Variants in CYP2C19 observed in about 807,000 individuals in gnomAD.
The protein encoded by CYP2C19 is cytochrome P450 family 2 subfamily C member 19.
CYP2C19 carries 59 observed loss-of-function variants against 40.9 expected under a neutral mutation model. The ratio of observed to expected loss-of-function variants is 1.44; its 90% CI spans 1.17 to 1.79. CYP2C19 has a LOEUF of 1.79. Ranked by LOEUF, CYP2C19 falls within the 40% of genes most tolerant of loss-of-function variation. The pLI, the probability that CYP2C19 is intolerant of heterozygous loss-of-function variation, is 0.00. For synonymous variants in CYP2C19, 253 were observed against 208.7 expected (o/e 1.21, Z -1.83); for missense variants, 754 against 596.9 (o/e 1.26, Z -2.74).
intron 5 of CYP2C19, among the ~76,000 whole-genome samples, chr10:94,793,820 A>G (rs113641915): frequency 0.048 from 7,266 of 152,218 alleles, 248 homozygotes; most frequent in South Asian, 0.11. Flanking sequence ...TACCCACTTG[A>G]GGAGGCAGTC....
chr10:94,812,839 C>T (rs952627695), intron 5 of CYP2C19, among the ~76,000 whole-genome samples: 6 of 152,042 alleles, frequency 3.9e-5, no homozygotes, highest in Admixed American at 3.3e-4. Context: ...TTTGTTATTA[C>T]ACACCTTCTG....
At chr10:94,809,877 T>G (rs1412299540) in intron 5 of CYP2C19, among the ~76,000 whole-genome samples, 1 of 151,948 alleles carries the variant, frequency 6.6e-6, no homozygotes, top group Admixed American at 6.6e-5. Flanking sequence ...TTGTGTGTGT[T>G]TGTTTATTTA....
At chr10:94,819,484 G>T (rs1353452347) in intron 5 of CYP2C19, among the ~76,000 whole-genome samples, 3 of 85,468 alleles carry the variant, frequency 3.5e-5, no homozygotes, top group South Asian at 1.2e-3. Flanking sequence ...AAAATTGATA[G>T]ACCACTAGCA....
rs71031598 is a variant in CYP2C19, at chr10:94,851,443, C to CAAAT, written c.1292-1243_1292-1240dup. Among the ~76,000 whole-genome samples the CAAAT allele has an allele frequency of 9.2e-3, 1,315 of 143,056 alleles. 9 individuals carry two copies. Among genetic ancestry groups the CAAAT allele is most frequent in the Middle Eastern group, 0.046 (13 of 282 alleles). The allele number at this position is 143,056 out of a possible 152,430, so 93.9% of individuals were successfully genotyped here. ...CACAGAGACAAAGCATACCAGCACA[C>CAAAT]AAATAAATAAATAAATAAATAAATA... On this transcript the variant is annotated intron_variant, in intron 8 of 8. Transcript: ENST00000371321.
chr10:94,781,979 C>T lies in CYP2C19; in HGVS notation c.801C>T (p.Phe267=), dbSNP rs377674118. 2 of 1,535,262 alleles carry T rather than the reference C, an allele frequency of 1.3e-6. No individual in the cohort carries two copies. The highest frequency in any genetic ancestry group is 1.3e-5 in the South Asian group (1 of 74,716). The change falls in exon 5 of 9, where the codon TTC becomes TTT. Residue 267 remains phenylalanine, a synonymous_variant. Coordinates refer to ENST00000371321, the MANE Select transcript of CYP2C19 (RefSeq NM_000769.4). ...INNPRDFIDC[F]LIKMEKEKQN... ...ACCCTCGGGACTTTATTGATTGCTT[C>T]CTGATCAAAATGGAGAAGGTAAAAT...
At chr10:94,779,529 T>C (rs1168790466) in intron 3 of CYP2C19, among the ~76,000 whole-genome samples, 1 of 149,928 alleles carries the variant, frequency 6.7e-6, no homozygotes, top group Non-Finnish European at 1.5e-5. Context: ...AAAAACTCCA[T>C]TTATTAATTT....
chr10:94,792,423 T>C (rs1001061330), intron 5 of CYP2C19, among the ~76,000 whole-genome samples: 4 of 152,184 alleles, frequency 2.6e-5, no homozygotes, highest in Admixed American at 6.5e-5. Context: ...TTTTGCTTGT[T>C]AGTTGGCTCA....
At chr10:94,773,424 C>A (rs1386692134) in intron 1 of CYP2C19, among the ~76,000 whole-genome samples, 1 of 152,138 alleles carries the variant, frequency 6.6e-6, no homozygotes, top group Non-Finnish European at 1.5e-5. Flanking sequence ...AGCTGCAGAC[C>A]TTCACAGTGA....
chr10:94,778,875 A>G (rs1411600816), intron 3 of CYP2C19, among the ~76,000 whole-genome samples: 1 of 152,188 alleles, frequency 6.6e-6, no homozygotes, highest in East Asian at 1.9e-4. Flanking sequence ...AATGCCCATC[A>G]ATGACACACT....
At chr10:94,813,311 G>T (rs1272070078) in intron 5 of CYP2C19, among the ~76,000 whole-genome samples, 2 of 152,018 alleles carry the variant, frequency 1.3e-5, no homozygotes, top group African/African-American at 2.4e-5. Flanking sequence ...GTTGACCCCT[G>T]CTGGGAGGTC....
At chr10:94,848,521 A>T (rs1313980437) in intron 7 of CYP2C19, among the ~76,000 whole-genome samples, 1 of 152,144 alleles carries the variant, frequency 6.6e-6, no homozygotes, top group Non-Finnish European at 1.5e-5. Flanking sequence ...TGATGCCTCC[A>T]GCTTTGTTCT....
intron 5 of CYP2C19, among the ~76,000 whole-genome samples, chr10:94,808,776 A>T (rs1308707666): frequency 6.6e-6 from 1 of 152,118 alleles, no homozygotes; most frequent in East Asian, 1.9e-4. Context: ...TCATTTTTTT[A>T]AATGGCTGTA....
At chr10:94,831,550 C>G (rs571331824) in intron 6 of CYP2C19, among the ~76,000 whole-genome samples, 1 of 152,320 alleles carries the variant, frequency 6.6e-6, no homozygotes, top group East Asian at 1.9e-4. Flanking sequence ...ATCTCCACAT[C>G]CTCACTAGCA....
intron 5 of CYP2C19, among the ~76,000 whole-genome samples, chr10:94,817,692 C>G (rs991491341): frequency 6.6e-6 from 1 of 151,522 alleles, no homozygotes; most frequent in Non-Finnish European, 1.5e-5. Flanking sequence ...AGGTTTTCTT[C>G]TAGGGTTTTT....
At chr10:94,790,856 T>G (rs1454119924) in intron 5 of CYP2C19, among the ~76,000 whole-genome samples, 1 of 152,134 alleles carries the variant, frequency 6.6e-6, no homozygotes, top group Non-Finnish European at 1.5e-5. Flanking sequence ...CTGCCAGGCT[T>G]TGGTATCAGT....
At chr10:94,820,779 G>GGT in intron 6 of CYP2C19, 142 bp downstream of exon 6, 1 of 1,083,872 alleles carries the variant, frequency 9.2e-7, no homozygotes, top group Non-Finnish European at 1.3e-6. Context: ...CCAATTTAAT[G>GGT]GTGTGATTAA....
Position 94,850,036 on chromosome 10 carries a change from C to A in CYP2C19, c.1269C>A (p.Asn423Lys), listed in dbSNP as rs758626485. The A allele has an allele frequency of 1.1e-5, 18 of 1,613,444 alleles. No homozygotes were observed. The highest frequency in any genetic ancestry group is 1.3e-5 in the Non-Finnish European group (15 of 1,179,646). ...AAGGTGGAAATTTTAAGAAAAGTAA[C>A]TACTTCATGCCTTTCTCAGCAGGTA... is the stretch of plus-strand genomic sequence containing the variant. Reference protein sequence around the residue: ...LDEGGNFKKSNYFMPFSAGKR... With the variant: ...LDEGGNFKKSKYFMPFSAGKR... The change falls in exon 8 of 9, where the codon AAC becomes AAA. Residue 423 changes from asparagine to lysine, a missense_variant. By Grantham distance (94) the Asn-to-Lys change is moderately conservative. Transcript: ENST00000371321.
At chr10:94,782,919 T>C (rs1848497695) in intron 5 of CYP2C19, among the ~76,000 whole-genome samples, 1 of 151,916 alleles carries the variant, frequency 6.6e-6, no homozygotes, top group Non-Finnish European at 1.5e-5. Context: ...TGAGAACACA[T>C]AGACACAGGA....
chr10:94,800,664 T>C (rs1848751283), intron 5 of CYP2C19, among the ~76,000 whole-genome samples: 1 of 152,208 alleles, frequency 6.6e-6, no homozygotes, highest in Admixed American at 6.5e-5. Context: ...TGAGCTGCAG[T>C]GGGCTCCACC....
Sources: gnomAD v4.1 joint callset for allele counts (sites outside exome capture counted in the v4.1 genomes callset) on GRCh38, gnomAD v4.1.1 for gene constraint, MANE v1.5 for transcripts, NCBI Gene and HGNC (gene_info 2026-07-23, HGNC 2026-07-21) for gene names.